The following SCRG1 variants were observed in gnomAD, a reference collection of about 807,000 sequenced individuals.
SCRG1 encodes the protein stimulator of chondrogenesis 1.
SCRG1 carries 3 observed loss-of-function variants against 7.7 expected under a neutral mutation model. The ratio of observed to expected loss-of-function variants is 0.39; its 90% confidence interval spans 0.18 to 1.01. The LOEUF is 1.01. Among genes scored for constraint, SCRG1 ranks in the 50% least tolerant of loss-of-function variants. The pLI is 0.36. For synonymous variants in SCRG1, 46 were observed against 41.2 expected, an observed-to-expected ratio of 1.12 and a Z score of -0.44; for missense variants, 110 against 117.2, an observed-to-expected ratio of 0.94 and a Z score of 0.28.
the SCRG1 span, among the ~76,000 whole-genome samples, chr4:173,483,778 TATATCATATATCATATATATGATATATG>T: frequency 7.4e-3 from 600 of 80,734 alleles, 174 homozygotes; most frequent in African/African-American, 0.027. Flanking sequence ...TGATATATGA[TATATCATATATCATATATATGATATATG>T]ATATGTAATA....
chr4:173,501,202 G>T, the SCRG1 span, among the ~76,000 whole-genome samples: 1 of 152,220 alleles, frequency 6.6e-6, no homozygotes, highest in East Asian at 1.9e-4. The surrounding 1 kb of genome is among the most constrained non-coding windows in gnomAD (Gnocchi z 5.1). Context: ...GAGCCACGCG[G>T]CCCGAGCTCC....
At chr4:173,391,529 A>G in intron 1 of SCRG1, 101 bp from the exon 2 acceptor site, 1 of 1,201,232 alleles carries the variant, frequency 8.3e-7, no homozygotes. Context: ...CTTGGATAGA[A>G]AGAATGGGAG....
At chr4:173,435,526 T>A in the SCRG1 span, among the ~76,000 whole-genome samples, 1 of 152,210 alleles carries the variant, frequency 6.6e-6, no homozygotes, top group Non-Finnish European at 1.5e-5. Context: ...GGCTGTTACC[T>A]GTGTGTGAGT....
chr4:173,472,326 T>G, the SCRG1 span, among the ~76,000 whole-genome samples: 7 of 152,238 alleles, frequency 4.6e-5, no homozygotes, highest in Admixed American at 6.5e-5. Context: ...GCTGTGATAC[T>G]TCGTGGATGA....
At chr4:173,492,890 G>C in the SCRG1 span, among the ~76,000 whole-genome samples, 1 of 152,208 alleles carries the variant, frequency 6.6e-6, no homozygotes, top group African/African-American at 2.4e-5. Context: ...TTCTAGGCCT[G>C]CAATACAGGG....
chr4:173,410,822 G>A (rs919411072), upstream of SCRG1, among the ~76,000 whole-genome samples: 1 of 152,184 alleles, frequency 6.6e-6, no homozygotes, highest in Non-Finnish European at 1.5e-5. Context: ...AGGAACACTT[G>A]TTATAATAGA....
chr4:173,400,468 T>C (rs923613621), upstream of SCRG1, among the ~76,000 whole-genome samples: 8 of 152,220 alleles, frequency 5.3e-5, no homozygotes, highest in Admixed American at 3.9e-4. Context: ...CAGTTGAGAA[T>C]GTTTAGTAGG....
the SCRG1 span, among the ~76,000 whole-genome samples, chr4:173,436,609 G>T: frequency 2.0e-5 from 3 of 152,298 alleles, no homozygotes; most frequent in East Asian, 1.9e-4. Flanking sequence ...GTTCTCTATG[G>T]GTTCTTTTTT....
chr4:173,426,279 C>T, the SCRG1 span, among the ~76,000 whole-genome samples: 3,228 of 152,258 alleles, frequency 0.021, 53 homozygotes, highest in Non-Finnish European at 0.035. Flanking sequence ...CCTCATTCAT[C>T]CGGATGTTTG....
At chr4:173,400,801 G>A (rs1421077628), upstream of SCRG1, among the ~76,000 whole-genome samples, 1 of 152,174 alleles carries the variant, frequency 6.6e-6, no homozygotes, top group Non-Finnish European at 1.5e-5. Context: ...AAAATGGCGA[G>A]ACCCTGGCAG....
chr4:173,485,511 C>G, the SCRG1 span, among the ~76,000 whole-genome samples: 1 of 151,754 alleles, frequency 6.6e-6, no homozygotes, highest in Non-Finnish European at 1.5e-5. Flanking sequence ...ACCAGCTGGG[C>G]CCAGCACAAA....
chr4:173,385,783 C>G lies in SCRG1; in HGVS notation c.*2558G>C, dbSNP rs1578956277. 6.6e-6 allele frequency: 1 copy of G among 151,898 alleles called. No individual in the cohort carries two copies. Among genetic ancestry groups the G allele is most frequent in the South Asian group, 2.1e-4 (1 of 4,830 alleles). 9.4% of individuals were successfully genotyped at this position (151,898 alleles called of 1,614,324 possible). ...AAAGCCGTTGTTGTCTCACATATGT[C>G]CTTATGCTGATGTGTCATTTGTAAA... On this transcript the variant is annotated 3_prime_UTR_variant, in exon 3 of 3. Coordinates refer to ENST00000296506, the MANE Select transcript of SCRG1 (RefSeq NM_007281.4).
At chr4:173,426,128 T>C in the SCRG1 span, among the ~76,000 whole-genome samples, 7 of 152,358 alleles carry the variant, frequency 4.6e-5, no homozygotes, top group South Asian at 1.2e-3. Context: ...GAATGGGACA[T>C]ACTTATAATA....
At chr4:173,483,270 GATATATA>G in the SCRG1 span, among the ~76,000 whole-genome samples, 4 of 33,404 alleles carry the variant, frequency 1.2e-4, no homozygotes, top group Admixed American at 5.4e-4. Flanking sequence ...TATCATATAT[GATATATA>G]ATATATGATA....
At chr4:173,446,740 G>A in the SCRG1 span, 1 of 152,226 alleles carries the variant, frequency 6.6e-6, no homozygotes, top group Non-Finnish European at 1.5e-5. Context: ...GACACAAAAT[G>A]AGAAGCACAT....
At chr4:173,472,649 C>T in the SCRG1 span, among the ~76,000 whole-genome samples, 12 of 151,644 alleles carry the variant, frequency 7.9e-5, no homozygotes, top group Non-Finnish European at 1.5e-4. Flanking sequence ...GATGTCCCAG[C>T]TCAAAGGCAG....
At chr4:173,456,959 T>C in the SCRG1 span, among the ~76,000 whole-genome samples, 1 of 152,228 alleles carries the variant, frequency 6.6e-6, no homozygotes, top group Non-Finnish European at 1.5e-5. Flanking sequence ...GCTTGCTTTA[T>C]GGTCAACAGT....
chr4:173,504,929 G>A, the SCRG1 span, among the ~76,000 whole-genome samples: 24 of 152,364 alleles, frequency 1.6e-4, no homozygotes, highest in South Asian at 5.0e-3. The surrounding 1 kb of genome is among the most constrained non-coding windows in gnomAD (Gnocchi z 4.7). Context: ...CATGAATGCA[G>A]TGCCACTTTC....
chr4:173,482,664 A>G, the SCRG1 span, among the ~76,000 whole-genome samples: 1 of 151,682 alleles, frequency 6.6e-6, no homozygotes, highest in Admixed American at 6.6e-5. Context: ...CAAAAAATTG[A>G]AAACTTAGCC....
Sources: gnomAD v4.1 joint callset for allele counts (sites outside exome capture counted in the v4.1 genomes callset) on GRCh38, gnomAD v4.1.1 for gene constraint, Gnocchi (gnomAD v3.1) non-coding constraint, MANE v1.5 for transcripts, NCBI Gene and HGNC (gene_info 2026-07-23, HGNC 2026-07-21) for gene names.